CD1B: variants seen among roughly 807,000 people sequenced by gnomAD.
CD1B encodes the protein T-cell surface glycoprotein CD1b.
CD1B carries 43 observed loss-of-function variants against 39.8 expected under a neutral mutation model. The observed-to-expected ratio is 1.08, with a 90% CI of 0.85 to 1.39. The LOEUF is 1.39. CD1B is among the 40% of genes most tolerant of loss of function. The probability of loss-of-function intolerance (pLI) is 0.00; values close to 1 mark genes in which losing one functional copy is unlikely to be tolerated. For synonymous variants in CD1B, 192 were observed against 152.5 expected (o/e 1.26, Z -1.91); for missense variants, 495 against 403.8 (o/e 1.23, Z -1.94).
chr1:158,317,781 C>G, the CD1B span, among the ~76,000 whole-genome samples: 1 of 152,182 alleles, frequency 6.6e-6, no homozygotes, highest in South Asian at 2.1e-4. Context: ...ATGTTTCCTG[C>G]TTTCTCTTGT....
chr1:158,309,802 AG>A, the CD1B span, among the ~76,000 whole-genome samples: 3 of 124,316 alleles, frequency 2.4e-5, no homozygotes, highest in Non-Finnish European at 4.8e-5. Flanking sequence ...GGACACAGGA[AG>A]GGGAATATCA....
At chr1:158,313,277 G>A in the CD1B span, among the ~76,000 whole-genome samples, 12 of 151,998 alleles carry the variant, frequency 7.9e-5, no homozygotes, top group African/African-American at 2.2e-4. Flanking sequence ...TTTTGCATGC[G>A]TTTCATTAGG....
At chr1:158,330,187 AG>A in intron 2 of CD1B, 57 bp from the exon 3 acceptor site, 1 of 1,491,532 alleles carries the variant, frequency 6.7e-7, no homozygotes, top group Non-Finnish European at 9.0e-7. Flanking sequence ...AAAAGGCATG[AG>A]AAAAGAACCT....
the CD1B span, among the ~76,000 whole-genome samples, chr1:158,309,865 A>G: frequency 2.0e-5 from 3 of 152,020 alleles, no homozygotes; most frequent in African/African-American, 7.3e-5. Flanking sequence ...TAGCATTAGG[A>G]GATATACCTA....
chr1:158,307,464 T>C, the CD1B span, among the ~76,000 whole-genome samples: 1 of 151,956 alleles, frequency 6.6e-6, no homozygotes, highest in Non-Finnish European at 1.5e-5. Context: ...TCAAAAAAAG[T>C]CCAGGACCCA....
chr1:158,291,225 C>T, the CD1B span: 76,665 of 1,613,746 alleles, frequency 0.048, 2,400 homozygotes, highest in African/African-American at 0.14. Context: ...GATGGCTGGA[C>T]GAGTTGCAGA....
the CD1B span, among the ~76,000 whole-genome samples, chr1:158,287,531 T>C: frequency 3.3e-5 from 5 of 152,014 alleles, no homozygotes; most frequent in South Asian, 1.0e-3. Flanking sequence ...AAACTTTCAG[T>C]CCATAACAAT....
At chr1:158,324,658 TA>T (rs1422420638), downstream of CD1B, among the ~76,000 whole-genome samples, 1 of 152,130 alleles carries the variant, frequency 6.6e-6, no homozygotes, top group African/African-American at 2.4e-5. Flanking sequence ...TTCCACAGGC[TA>T]ATTTTTTTTT....
chr1:158,291,209 G>A, the CD1B span: 1 of 1,613,952 alleles, frequency 6.2e-7, no homozygotes, highest in African/African-American at 1.3e-5. Flanking sequence ...CGAGGTCAGG[G>A]CTCAGGATGG....
chr1:158,315,313 C>A, the CD1B span, among the ~76,000 whole-genome samples: 2 of 152,012 alleles, frequency 1.3e-5, no homozygotes, highest in East Asian at 3.9e-4. Flanking sequence ...TCCTCCCCAG[C>A]ACCTGTTGTT....
the CD1B span, among the ~76,000 whole-genome samples, chr1:158,320,991 A>G: frequency 5.9e-5 from 9 of 152,176 alleles, no homozygotes; most frequent in Non-Finnish European, 1.3e-4. Flanking sequence ...CAACTACTGG[A>G]TAGAATGTTC....
the CD1B span, chr1:158,291,303 C>T: frequency 6.2e-7 from 1 of 1,614,076 alleles, no homozygotes; most frequent in Non-Finnish European, 8.5e-7. Context: ...GCAACTTCAG[C>T]AATGAAGAGT....
At chr1:158,290,145 C>G in the CD1B span, 1 of 1,610,076 alleles carries the variant, frequency 6.2e-7, no homozygotes, top group Non-Finnish European at 8.5e-7. Context: ...TCGCTGTCAG[C>G]TGCAAGGTTA....
chr1:158,329,854 T>C lies in CD1B; in HGVS notation c.605A>G (p.Gln202Arg). The change falls in exon 3 of 6, where the codon CAA becomes CGA. Residue 202 changes from glutamine to arginine, a missense_variant and splice_region_variant. By Grantham distance (43) the Gln-to-Arg change is conservative. Transcript: ENST00000368168. ...LNAGKADLQR[Q>R]VKPEAWLSSG... ...AGTGAAATAACAGCAGGACTAACCT[T>C]GTCTTTGCAGATCTGCTTTTCCTGC... The C allele has an allele frequency of 6.2e-7, 1 of 1,612,664 alleles. No individual in the cohort carries two copies. The highest frequency in any genetic ancestry group is 2.2e-5 in the East Asian group (1 of 44,876).
At chr1:158,297,905 C>T in the CD1B span, among the ~76,000 whole-genome samples, 9 of 149,414 alleles carry the variant, frequency 6.0e-5, no homozygotes, top group East Asian at 2.0e-4. Context: ...CACTGCACTT[C>T]GGCCTAAGTA....
the CD1B span, among the ~76,000 whole-genome samples, chr1:158,310,510 G>T: frequency 6.6e-6 from 1 of 151,922 alleles, no homozygotes; most frequent in African/African-American, 2.4e-5. Flanking sequence ...AAACAAAATT[G>T]TCAACAGAAT....
the CD1B span, among the ~76,000 whole-genome samples, chr1:158,321,247 A>C: frequency 1.3e-5 from 2 of 152,148 alleles, no homozygotes; most frequent in Admixed American, 6.5e-5. Flanking sequence ...CCCCTGTATC[A>C]GTTTTTAATT....
In CD1B at chr1:158,330,967, A is replaced by G. The variant is rs1652578604; in HGVS notation, c.157T>C (p.Leu53=). 1 of 1,614,194 alleles carries G rather than the reference A, an allele frequency of 6.2e-7. No homozygotes were observed. Among genetic ancestry groups the G allele is most frequent in the South Asian group, 1.1e-5 (1 of 91,084 alleles). ...TCGCTATCCCAGCCATGAATCTGCAAATCATCCAACCAGCCTGAGCCTTGA... is the reference window on the plus strand; with the variant it reads ...TCGCTATCCCAGCCATGAATCTGCAGATCATCCAACCAGCCTGAGCCTTGA... ...QTQGSGWLDD[L]QIHGWDSDSG... Residue 53 remains leucine, a synonymous_variant, in exon 2 of 6, where the codon TTG becomes CTG. Transcript: ENST00000368168.
In CD1B at chr1:158,330,061, C is replaced by T. The variant is rs774570127; in HGVS notation, c.398G>A (p.Arg133Lys). 2 of 1,613,878 alleles carry T rather than the reference C, an allele frequency of 1.2e-6. No individual in the cohort carries two copies. The highest frequency in any genetic ancestry group is 1.7e-6 in the Non-Finnish European group (2 of 1,179,810). ...HSGGAIVSFL[R>K]GALGGLDFLS... Reference sequence around the variant, plus strand: ...GAAATCCAATCCTCCTAGAGCTCCCCTCAGGAAGCTTACTATGGCACCTCC... The same window carrying T: ...GAAATCCAATCCTCCTAGAGCTCCCTTCAGGAAGCTTACTATGGCACCTCC... The change falls in exon 3 of 6, where the codon AGG becomes AAG. Residue 133 changes from arginine to lysine, a missense_variant. Transcript: ENST00000368168.
Sources: gnomAD v4.1 joint callset for allele counts (sites outside exome capture counted in the v4.1 genomes callset) on GRCh38, gnomAD v4.1.1 for gene constraint, MANE v1.5 for transcripts, NCBI Gene and HGNC (gene_info 2026-07-23, HGNC 2026-07-21) for gene names.